Variants in MSRB3 observed in about 807,000 individuals in gnomAD.
MSRB3 encodes the protein methionine-R-sulfoxide reductase B3.
In MSRB3, 13 loss-of-function variants were observed where a neutral mutation model predicts 21.0. The observed-to-expected ratio is 0.62, with a 90% confidence interval of 0.40 to 0.98. The LOEUF (loss-of-function observed/expected upper bound fraction) is 0.98. MSRB3 is among the 50% of genes least tolerant of loss of function. The pLI, the probability that MSRB3 is intolerant of heterozygous loss-of-function variation, is 0.00. For missense variants in MSRB3, 199 were observed against 230.3 expected (o/e 0.86, Z 0.88); for synonymous variants, 87 against 88.6 (o/e 0.98, Z 0.10).
chr12:65,396,699 AAAAAAAAAGAAAGAAAG>A (rs1336996453), intron 5 of MSRB3, among the ~76,000 whole-genome samples: 51 of 25,042 alleles, frequency 2.0e-3, no homozygotes, highest in East Asian at 7.6e-3. Context: ...CTCAAAAAAA[AAAAAAAAAGAAAGAAAG>A]AAAGAAAGAA....
intron 4 of MSRB3, among the ~76,000 whole-genome samples, chr12:65,330,301 A>G (rs1357991805): frequency 2.0e-5 from 3 of 152,234 alleles, no homozygotes; most frequent in Non-Finnish European, 2.9e-5. Flanking sequence ...CAGGTTTCAC[A>G]TTTGATGTGA....
intron 1 of MSRB3, among the ~76,000 whole-genome samples, chr12:65,287,177 A>G (rs1592488841): frequency 7.2e-6 from 1 of 139,608 alleles, no homozygotes; most frequent in East Asian, 2.1e-4. Context: ...GTGCCATGGC[A>G]GGATCATAGC....
intron 4 of MSRB3, among the ~76,000 whole-genome samples, chr12:65,359,411 A>G (rs1877577326): frequency 6.6e-6 from 1 of 152,112 alleles, no homozygotes; most frequent in African/African-American, 2.4e-5. Context: ...CCTAAGGCAG[A>G]AATGAAAATT....
intron 4 of MSRB3, among the ~76,000 whole-genome samples, chr12:65,366,193 G>A (rs369828255): frequency 1.4e-4 from 21 of 152,282 alleles, no homozygotes; most frequent in Middle Eastern, 3.4e-3. Context: ...GAGACAGGGG[G>A]CCCCTGCTTT....
At chr12:65,354,755 G>T (rs1295605675) in intron 4 of MSRB3, among the ~76,000 whole-genome samples, 1 of 151,908 alleles carries the variant, frequency 6.6e-6, no homozygotes, top group African/African-American at 2.4e-5. Flanking sequence ...CCAGTCATTT[G>T]AGTTGGCAAT....
rs372060050 is a variant in MSRB3, at chr12:65,343,856, G to C, written c.263+15253G>C. ...TAGCTATCACACTCTGGTGTTAATT[G>C]GTGCTAATTTTCTGATAATGGCCAA... On this transcript the variant is annotated intron_variant, in intron 4 of 6. Coordinates refer to ENST00000308259, the MANE Select transcript of MSRB3 (RefSeq NM_001031679.3). Among the ~76,000 whole-genome samples the C allele has an allele frequency of 1.8e-4, 28 of 152,062 alleles. 1 individual carries two copies. The South Asian group carries it at 5.4e-3, about 29-fold the overall frequency.
intron 2 of MSRB3, among the ~76,000 whole-genome samples, chr12:65,310,613 A>C (rs1156271337): frequency 1.3e-5 from 2 of 152,240 alleles, no homozygotes; most frequent in Non-Finnish European, 2.9e-5. Context: ...ATGTTTATAG[A>C]AACCACATTA....
At chr12:65,311,100 A>G (rs945539443) in intron 2 of MSRB3, among the ~76,000 whole-genome samples, 1 of 152,106 alleles carries the variant, frequency 6.6e-6, no homozygotes, top group Admixed American at 6.6e-5. Context: ...TCATTTAACT[A>G]TTTTTTACTT....
rs1368614693 is a variant in MSRB3 at position 65,463,464 on chromosome 12, A to G, written c.*142A>G. The G allele has an allele frequency of 3.4e-5, 35 of 1,020,554 alleles. No homozygotes were observed. The highest frequency in any genetic ancestry group is 2.4e-4 in the East Asian group (9 of 38,250). 63.2% of individuals were successfully genotyped at this position (1,020,554 alleles called of 1,614,324 possible). A position where few individuals can be genotyped will look rare whatever the true frequency, so the allele number is the denominator to read the frequency against. The stretch of plus-strand genomic sequence containing the variant: ...TGATATTTTTTCTTCTTTTGCTTAA[A>G]CAGAAGCCCTGGCCATCCATGTATT... On this transcript the variant is annotated 3_prime_UTR_variant, in exon 7 of 7. Transcript: ENST00000308259.
intron 4 of MSRB3, among the ~76,000 whole-genome samples, chr12:65,364,712 C>A (rs771923599): frequency 6.6e-6 from 1 of 152,054 alleles, no homozygotes; most frequent in African/African-American, 2.4e-5. Flanking sequence ...ATTTAAGAGT[C>A]GAGGTGATCA....
chr12:65,378,851 C>CT (rs887187444), intron 5 of MSRB3, among the ~76,000 whole-genome samples: 21 of 152,144 alleles, frequency 1.4e-4, no homozygotes, highest in African/African-American at 4.6e-4. Flanking sequence ...TCAGTGTCTT[C>CT]TTTTTTTGTA....
intron 6 of MSRB3, among the ~76,000 whole-genome samples, chr12:65,458,050 G>A (rs1250243423): frequency 6.6e-6 from 1 of 152,096 alleles, no homozygotes; most frequent in East Asian, 1.9e-4. Flanking sequence ...ATTTTCAGTC[G>A]GATGTGTTAT....
intron 5 of MSRB3, among the ~76,000 whole-genome samples, chr12:65,441,119 C>T (rs1330691807): frequency 2.0e-5 from 3 of 151,732 alleles, no homozygotes; most frequent in African/African-American, 4.8e-5. Context: ...CAAATTTATC[C>T]GTCTGAGATT....
At chr12:65,452,859 C>T (rs1195267971) in intron 5 of MSRB3, among the ~76,000 whole-genome samples, 3 of 152,274 alleles carry the variant, frequency 2.0e-5, no homozygotes, top group East Asian at 3.9e-4. Context: ...ACTTCAGCAA[C>T]ATCGCCCCTC....
chr12:65,377,801 A>G (rs1422263932), intron 5 of MSRB3, among the ~76,000 whole-genome samples: 1 of 152,196 alleles, frequency 6.6e-6, no homozygotes, highest in African/African-American at 2.4e-5. Flanking sequence ...ATCTATGTGG[A>G]GACATGTAAC....
In MSRB3 at chr12:65,449,168, A is replaced by G. The variant is rs1882747822; in HGVS notation, c.293-4560A>G. Among the ~76,000 whole-genome samples, 5 of 150,394 alleles carry G rather than the reference A, an allele frequency of 3.3e-5. No individual in the cohort carries two copies. The South Asian group carries it at 1.1e-3, about 32-fold the overall frequency. On this transcript the variant is annotated intron_variant, in intron 5 of 6. Transcript: ENST00000308259. The stretch of plus-strand genomic sequence containing the variant: ...CTCAGCCTCCCGAGTAGCTGGGACT[A>G]CAGGCAGCCCCCACCACGCCTGGCT...
chr12:65,329,448 G>A (rs1875266893), intron 4 of MSRB3, among the ~76,000 whole-genome samples: 1 of 151,942 alleles, frequency 6.6e-6, no homozygotes, highest in African/African-American at 2.4e-5. Flanking sequence ...TCAGGAGTTC[G>A]AGATTAGCCT....
At chr12:65,338,030 C>T (rs1171221159) in intron 4 of MSRB3, among the ~76,000 whole-genome samples, 1 of 152,134 alleles carries the variant, frequency 6.6e-6, no homozygotes, top group Non-Finnish European at 1.5e-5. Flanking sequence ...ATCCTAGGTA[C>T]TTGACTATTT....
intron 6 of MSRB3, among the ~76,000 whole-genome samples, chr12:65,456,771 A>G (rs75212808): frequency 0.023 from 3,501 of 152,312 alleles, 143 homozygotes; most frequent in African/African-American, 0.08. Context: ...CACGCTTTGG[A>G]GTAAAGTAAG....
Sources: gnomAD v4.1 joint callset for allele counts (sites outside exome capture counted in the v4.1 genomes callset) on GRCh38, gnomAD v4.1.1 for gene constraint, MANE v1.5 for transcripts, NCBI Gene and HGNC (gene_info 2026-07-23, HGNC 2026-07-21) for gene names.